SP4: variants seen among roughly 807,000 people sequenced by gnomAD.
SP4 encodes the protein transcription factor Sp4.
A neutral mutation model predicts 72.8 loss-of-function variants in SP4; 19 were observed. The observed-to-expected ratio is 0.26, with a 90% CI of 0.18 to 0.38. The LOEUF (loss-of-function observed/expected upper bound fraction) is 0.38, where lower values mean the gene tolerates loss of function less well. SP4 is among the 10% of genes least tolerant of loss of function. The pLI is 1.00. For synonymous variants in SP4, 395 were observed against 333.1 expected (o/e 1.19, Z -2.02); for missense variants, 1,008 against 926.3 (o/e 1.09, Z -1.14).
intron 3 of SP4, among the ~76,000 whole-genome samples, chr7:21,454,379 C>G (rs1311592818): frequency 2.7e-5 from 4 of 146,434 alleles, no homozygotes; most frequent in East Asian, 4.0e-4. Flanking sequence ...ACAACTTACA[C>G]AGACCATCTA....
At chr7:21,456,774 A>G (rs1375154271) in intron 3 of SP4, among the ~76,000 whole-genome samples, 2 of 152,192 alleles carry the variant, frequency 1.3e-5, no homozygotes, top group African/African-American at 2.4e-5. Flanking sequence ...CCATTCTCAC[A>G]AGCCGCCTGT....
rs371815493 is a variant in SP4, at chr7:21,428,223, C to G, written c.-29C>G. 6 of 1,351,550 alleles carry G rather than the reference C, an allele frequency of 4.4e-6. No individual in the cohort carries two copies. In the Admixed American group the frequency reaches 6.2e-5, roughly 14 times the overall value. The allele number at this position is 1,351,550 out of a possible 1,614,324, so 83.7% of individuals were successfully genotyped here. A position where few individuals can be genotyped will look rare whatever the true frequency, so the allele number is the denominator to read the frequency against. On this transcript the variant is annotated 5_prime_UTR_variant, in exon 1 of 6. Transcript: ENST00000222584. ...CCACCCACCTCTATCCCAGTGTCTCCGTCTGAGGGTTTGTCCTGTTAATGC... is the reference window on the plus strand; with the variant it reads ...CCACCCACCTCTATCCCAGTGTCTCGGTCTGAGGGTTTGTCCTGTTAATGC...
At chr7:21,456,041 G>C (rs552984307) in intron 3 of SP4, among the ~76,000 whole-genome samples, 1 of 152,290 alleles carries the variant, frequency 6.6e-6, no homozygotes, top group South Asian at 2.1e-4. Flanking sequence ...GTGGGAAGAA[G>C]CTAGAGGAAT....
intron 5 of SP4, 146 bp downstream of exon 5, chr7:21,482,269 T>A (rs1784709590): frequency 3.1e-6 from 2 of 640,338 alleles, no homozygotes; most frequent in Non-Finnish European, 5.4e-6. Context: ...ATGTTTAAGA[T>A]GAACATTTTT....
intron 3 of SP4, among the ~76,000 whole-genome samples, chr7:21,475,625 G>A (rs552198114): frequency 5.1e-4 from 77 of 151,988 alleles, no homozygotes; most frequent in African/African-American, 1.6e-3. Context: ...CACCACGCCC[G>A]GCTAATTTTT....
intron 5 of SP4, among the ~76,000 whole-genome samples, chr7:21,489,065 G>A (rs1325808878): frequency 6.6e-6 from 1 of 151,982 alleles, no homozygotes; most frequent in Non-Finnish European, 1.5e-5. Context: ...TTTCAAAAGA[G>A]CCCCTAAAAA....
At chr7:21,505,215 C>T (rs984210275) in intron 5 of SP4, among the ~76,000 whole-genome samples, 3 of 152,174 alleles carry the variant, frequency 2.0e-5, no homozygotes, top group African/African-American at 7.2e-5. Flanking sequence ...CAAAGGCAGA[C>T]CCACTATTCC....
chr7:21,498,501 G>A (rs1781781146), intron 5 of SP4, among the ~76,000 whole-genome samples: 1 of 151,738 alleles, frequency 6.6e-6, no homozygotes, highest in African/African-American at 2.4e-5. Context: ...AGTGTAGGAG[G>A]GACTGATAGA....
At chr7:21,491,835 A>C (rs1244478695) in intron 5 of SP4, among the ~76,000 whole-genome samples, 8 of 152,246 alleles carry the variant, frequency 5.3e-5, no homozygotes, top group Non-Finnish European at 1.5e-5. Context: ...AGGAAAACTA[A>C]GAGAATTTGC....
chr7:21,486,567 C>G (rs1784816667), intron 5 of SP4, among the ~76,000 whole-genome samples: 1 of 152,050 alleles, frequency 6.6e-6, no homozygotes, highest in Non-Finnish European at 1.5e-5. Flanking sequence ...TTGGGTTTGT[C>G]TAATGTTTTC....
chr7:21,434,865 T>A (rs1782995390), intron 3 of SP4, among the ~76,000 whole-genome samples: 1 of 151,972 alleles, frequency 6.6e-6, no homozygotes, highest in African/African-American at 2.4e-5. Context: ...ACGTGCTGAG[T>A]TTGACTTCAA....
intron 3 of SP4, among the ~76,000 whole-genome samples, chr7:21,472,874 T>A (rs1784391970): frequency 6.6e-6 from 1 of 151,944 alleles, no homozygotes; most frequent in Admixed American, 6.6e-5. Context: ...CAAAATTGAA[T>A]AAGGATGGAG....
intron 5 of SP4, among the ~76,000 whole-genome samples, chr7:21,501,374 C>G (rs966719348): frequency 6.6e-6 from 1 of 152,152 alleles, no homozygotes; most frequent in Non-Finnish European, 1.5e-5. Flanking sequence ...TTCCTTCGGT[C>G]TCATTTTCAT....
At chr7:21,471,995 A>T (rs77831392) in intron 3 of SP4, among the ~76,000 whole-genome samples, 3,843 of 152,312 alleles carry the variant, frequency 0.025, 90 homozygotes, top group East Asian at 0.08. Context: ...ATGACTTCCA[A>T]ATTTTCTATT....
At chr7:21,460,573 C>G (rs1049835190) in intron 3 of SP4, among the ~76,000 whole-genome samples, 2 of 152,154 alleles carry the variant, frequency 1.3e-5, no homozygotes, top group Non-Finnish European at 2.9e-5. Context: ...CCACTGCTGG[C>G]TCGGGCAGCC....
intron 5 of SP4, among the ~76,000 whole-genome samples, chr7:21,487,740 G>C (rs1172579589): frequency 1.1e-5 from 1 of 94,804 alleles, no homozygotes; most frequent in Non-Finnish European, 2.2e-5. Flanking sequence ...TTTTGTTCAA[G>C]TTGATGATGA....
At chr7:21,445,540 C>T (rs2128396289) in intron 3 of SP4, among the ~76,000 whole-genome samples, 1 of 152,214 alleles carries the variant, frequency 6.6e-6, no homozygotes, top group African/African-American at 2.4e-5. Flanking sequence ...GTTCTAGGTG[C>T]TGGGGAAACA....
At chr7:21,494,089 A>G (rs1391430943) in intron 5 of SP4, among the ~76,000 whole-genome samples, 12 of 152,218 alleles carry the variant, frequency 7.9e-5, no homozygotes, top group Non-Finnish European at 4.4e-5. Flanking sequence ...AATTCTGCAT[A>G]TATTTCTGTA....
chr7:21,460,557 G>A (rs935238887), intron 3 of SP4, among the ~76,000 whole-genome samples: 20 of 152,306 alleles, frequency 1.3e-4, no homozygotes, highest in South Asian at 4.1e-4. Flanking sequence ...GGACCCGAGC[G>A]GGTTGCCACT....
Sources: gnomAD v4.1 joint callset for allele counts (sites outside exome capture counted in the v4.1 genomes callset) on GRCh38, gnomAD v4.1.1 for gene constraint, MANE v1.5 for transcripts, NCBI Gene and HGNC (gene_info 2026-07-23, HGNC 2026-07-21) for gene names.